GLIPR1: variants seen among roughly 807,000 people sequenced by gnomAD.
The protein encoded by GLIPR1 is GLI pathogenesis related 1.
Under a neutral mutation model 30.3 loss-of-function variants are expected in GLIPR1, and 38 were observed. The ratio of observed to expected loss-of-function variants is 1.26; its 90% CI spans 0.97 to 1.65. GLIPR1 has a LOEUF of 1.65. GLIPR1 is among the 40% of genes most tolerant of loss of function. GLIPR1 has a pLI of 0.00. For synonymous variants in GLIPR1, 122 were observed against 110.6 expected, an observed-to-expected ratio of 1.10 and a Z score of -0.65; for missense variants, 285 against 326.5, an observed-to-expected ratio of 0.87 and a Z score of 0.98.
chr12:75,501,541 G>A lies in GLIPR1; in HGVS notation c.*2563G>A. ...GTCAATCCAGTTTGCACTGAAATAG[G>A]CATTAGCTGCCTCTAAATTATAAAT... is the stretch of plus-strand genomic sequence containing the variant. On this transcript the variant is annotated 3_prime_UTR_variant, in exon 6 of 6. Transcript: ENST00000266659. 7.0e-6 allele frequency: 4 copies of A among 567,450 alleles called. No individual in the cohort carries two copies. Among genetic ancestry groups the A allele is most frequent in the Middle Eastern group, 4.8e-4 (1 of 2,102 alleles). 35.2% of individuals were successfully genotyped at this position (567,450 alleles called of 1,614,324 possible).
Position 75,500,027 on chromosome 12 carries a change from A to G in GLIPR1, c.*1049A>G. Reference sequence around the variant, plus strand: ...AAAACAAAGAATATATGTTTAACAAAGAATATATGTTTAAGGCAGTTAACT... The same window carrying G: ...AAAACAAAGAATATATGTTTAACAAGGAATATATGTTTAAGGCAGTTAACT... On this transcript the variant is annotated 3_prime_UTR_variant, in exon 6 of 6. Coordinates refer to ENST00000266659, the MANE Select transcript of GLIPR1 (RefSeq NM_006851.3). 1 of 1,176,168 alleles carries G rather than the reference A, an allele frequency of 8.5e-7. No individual in the cohort carries two copies. Among genetic ancestry groups the G allele is most frequent in the Non-Finnish European group, 1.2e-6 (1 of 838,272 alleles). 72.9% of individuals were successfully genotyped at this position (1,176,168 alleles called of 1,614,324 possible).
At chr12:75,487,019 A>G (rs975977184) in intron 2 of GLIPR1, among the ~76,000 whole-genome samples, 1 of 152,242 alleles carries the variant, frequency 6.6e-6, no homozygotes, top group Non-Finnish European at 1.5e-5. Context: ...CACAAAATGA[A>G]TGGTAACTAA....
At chr12:75,493,060 CCA>C (rs1212762383) in intron 3 of GLIPR1, 1 of 152,148 alleles carries the variant, frequency 6.6e-6, no homozygotes, top group African/African-American at 2.4e-5. Flanking sequence ...CAAGTTTAAA[CCA>C]CAGAGACTGG....
chr12:75,498,066 C>T (rs1348268976), intron 4 of GLIPR1: 1 of 152,416 alleles, frequency 6.6e-6, no homozygotes, highest in East Asian at 1.9e-4. Context: ...CTACCACGAG[C>T]ATCTAATAGC....
intron 2 of GLIPR1, among the ~76,000 whole-genome samples, chr12:75,487,054 G>C (rs2046296877): frequency 6.6e-6 from 1 of 152,148 alleles, no homozygotes; most frequent in Non-Finnish European, 1.5e-5. Flanking sequence ...TGAGGAAAAA[G>C]TATTAAAATG....
In GLIPR1 at chr12:75,503,473, A is replaced by G. The variant is rs2046407757; in HGVS notation, c.*4495A>G. 6.6e-6 allele frequency: 1 copy of G among 152,526 alleles called. No individual in the cohort carries two copies. Among genetic ancestry groups the G allele is most frequent in the South Asian group, 2.1e-4 (1 of 4,844 alleles). 9.4% of individuals were successfully genotyped at this position (152,526 alleles called of 1,614,324 possible). On this transcript the variant is annotated 3_prime_UTR_variant, in exon 6 of 6. Transcript: ENST00000266659. ...AAATGGAAACTGGTCATGGTGGGAAAGGAAATGAAGCAGAAGACACCTGAC... is the reference window on the plus strand; with the variant it reads ...AAATGGAAACTGGTCATGGTGGGAAGGGAAATGAAGCAGAAGACACCTGAC...
Position 75,501,628 on chromosome 12 carries a change from A to AAAGAT in GLIPR1, c.*2652_*2656dup. 1.3e-6 allele frequency: 1 copy of AAAGAT among 780,806 alleles called. No homozygotes were observed. The allele number at this position is 780,806 out of a possible 1,614,324, so 48.4% of individuals were successfully genotyped here. ...AATGAAATGCTAAGAGAACTGATGAAAAGATACAACTGTTTCTTAAAAAGA... is the reference window on the plus strand; with the variant it reads ...AATGAAATGCTAAGAGAACTGATGAAAAGATAAGATACAACTGTTTCTTAAAAAGA... On this transcript the variant is annotated 3_prime_UTR_variant, in exon 6 of 6. Coordinates refer to ENST00000266659, the MANE Select transcript of GLIPR1 (RefSeq NM_006851.3).
chr12:75,486,384 G>C (rs141357190), intron 2 of GLIPR1, among the ~76,000 whole-genome samples: 1 of 152,272 alleles, frequency 6.6e-6, no homozygotes, highest in East Asian at 1.9e-4. Context: ...AATGAAACAA[G>C]AATATTTGCT....
intron 2 of GLIPR1, among the ~76,000 whole-genome samples, chr12:75,485,446 T>A (rs1454907859): frequency 6.6e-6 from 1 of 152,192 alleles, no homozygotes; most frequent in East Asian, 1.9e-4. Flanking sequence ...GATTTGATAG[T>A]GCTAGGATTT....
In GLIPR1 at chr12:75,500,048, T is replaced by C; in HGVS notation, c.*1070T>C. The stretch of plus-strand genomic sequence containing the variant: ...ACAAAGAATATATGTTTAAGGCAGT[T>C]AACTTCAGAGTATTCTTATAATTGA... On this transcript the variant is annotated 3_prime_UTR_variant, in exon 6 of 6. Coordinates refer to ENST00000266659, the MANE Select transcript of GLIPR1 (RefSeq NM_006851.3). 1.1e-6 allele frequency: 1 copy of C among 909,882 alleles called. No homozygotes were observed. The highest frequency in any genetic ancestry group is 1.6e-6 in the Non-Finnish European group (1 of 614,818). The allele number at this position is 909,882 out of a possible 1,614,324, so 56.4% of individuals were successfully genotyped here. A position where few individuals can be genotyped will look rare whatever the true frequency, so the allele number is the denominator to read the frequency against.
chr12:75,485,876 T>A (rs1406797863), intron 2 of GLIPR1, among the ~76,000 whole-genome samples: 1 of 152,152 alleles, frequency 6.6e-6, no homozygotes, highest in East Asian at 1.9e-4. Flanking sequence ...GTAGGTTTCA[T>A]ATATGTTACA....
At position 75,498,869 on chromosome 12, in the gene GLIPR1, A is replaced by G. The variant is rs759750764; in HGVS notation, c.692A>G (p.Asn231Ser). 1 of 1,611,626 alleles carries G rather than the reference A, an allele frequency of 6.2e-7. No homozygotes were observed. Among genetic ancestry groups the G allele is most frequent in the South Asian group, 1.1e-5 (1 of 90,984 alleles). The change falls in exon 6 of 6, where the codon AAC (asparagine) becomes AGC (serine). Residue 231 changes from asparagine (N) to serine (S), a missense_variant. Physicochemically the swap from Asn to Ser is conservative, Grantham distance 46 (BLOSUM62 1). Coordinates refer to ENST00000266659, the MANE Select transcript of GLIPR1 (RefSeq NM_006851.3). ...CCAGGCTGGCCCATATATCCACGTA[A>G]CAGATACACTTCTCTCTTTCTCATT... ...VYPGWPIYPR[N>S]RYTSLFLIVN...
In GLIPR1 at chr12:75,501,274, CAGCATCCTTTAGTCT is replaced by C. The variant is rs1032978332; in HGVS notation, c.*2298_*2312del. On this transcript the variant is annotated 3_prime_UTR_variant, in exon 6 of 6. Transcript: ENST00000266659. ...CTAATAGCTCCTGAATAAGACCTGT[CAGCATCCTTTAGTCT>C]AAGGTGATGAGAAATCCATGTTACC... The C allele has an allele frequency of 1.3e-5, 2 of 155,932 alleles. No individual in the cohort carries two copies. Among genetic ancestry groups the C allele is most frequent in the African/African-American group, 4.8e-5 (2 of 41,498 alleles). 9.7% of individuals were successfully genotyped at this position (155,932 alleles called of 1,614,324 possible).
At chr12:75,490,172 G>A (rs553388665) in intron 2 of GLIPR1, among the ~76,000 whole-genome samples, 6 of 144,872 alleles carry the variant, frequency 4.1e-5, no homozygotes, top group African/African-American at 1.3e-4. Context: ...TTTCTTCATT[G>A]TACTGTCAAA....
At position 75,483,034 on chromosome 12, in the gene GLIPR1, G is replaced by A. The variant is rs2046278434; in HGVS notation, c.420+955G>A. ...AGGTGGTTTTAAGGAACAACATGGT[G>A]TAAGAAAACCTCCCTTACTCCAGCT... On this transcript the variant is annotated intron_variant, in intron 2 of 5. Coordinates refer to ENST00000266659, the MANE Select transcript of GLIPR1 (RefSeq NM_006851.3). 2.0e-5 allele frequency among the ~76,000 whole-genome samples: 3 copies of A among 152,188 alleles called. No individual in the cohort carries two copies. The South Asian group carries it at 6.2e-4, about 32-fold the overall frequency.
chr12:75,485,456 T>C (rs1162535533), intron 2 of GLIPR1, among the ~76,000 whole-genome samples: 1 of 152,206 alleles, frequency 6.6e-6, no homozygotes, highest in Non-Finnish European at 1.5e-5. Flanking sequence ...TGCTAGGATT[T>C]CTCACTAGAT....
chr12:75,481,968 G>A lies in GLIPR1; in HGVS notation c.309G>A (p.Gly103=), dbSNP rs774972153. 7.4e-6 allele frequency: 12 copies of A among 1,613,996 alleles called. No individual in the cohort carries two copies. The highest frequency in any genetic ancestry group is 1.0e-5 in the Non-Finnish European group (12 of 1,180,016). The change falls in exon 2 of 6, where the codon GGG becomes GGA. Residue 103 remains glycine (G), a synonymous_variant. Transcript: ENST00000266659. ...FTSLGENIWT[G]SVPIFSVSSA... is the part of the protein sequence containing the mutation. ...CACTGGGAGAGAACATCTGGACTGGGTCTGTGCCCATTTTTTCTGTGTCTT... is the reference window on the plus strand; with the variant it reads ...CACTGGGAGAGAACATCTGGACTGGATCTGTGCCCATTTTTTCTGTGTCTT...
chr12:75,503,767 G>T lies in GLIPR1; in HGVS notation c.*4789G>T. On this transcript the variant is annotated 3_prime_UTR_variant, in exon 6 of 6. Transcript: ENST00000266659. Reference sequence around the variant, plus strand: ...ATATGCCTATTTATATTTACCCTCAGTTTCTTATAGCTCTGCACACACACA... The same window carrying T: ...ATATGCCTATTTATATTTACCCTCATTTTCTTATAGCTCTGCACACACACA... 1 of 742,748 alleles carries T rather than the reference G, an allele frequency of 1.3e-6. No individual in the cohort carries two copies. Among genetic ancestry groups the T allele is most frequent in the Non-Finnish European group, 2.1e-6 (1 of 482,170 alleles). The allele number at this position is 742,748 out of a possible 1,614,324, so 46.0% of individuals were successfully genotyped here. A position where few individuals can be genotyped will look rare whatever the true frequency, so the allele number is the denominator to read the frequency against.
chr12:75,500,436 A>C lies in GLIPR1; in HGVS notation c.*1458A>C, dbSNP rs529867734. 2.6e-5 allele frequency: 4 copies of C among 152,092 alleles called. 1 individual carries two copies. The South Asian group carries it at 8.3e-4, about 32-fold the overall frequency. 9.4% of individuals were successfully genotyped at this position (152,092 alleles called of 1,614,324 possible). The stretch of plus-strand genomic sequence containing the variant: ...CAAAATCTACTTCCTCTAATATCAA[A>C]ACGAAAATTTAAAGTTTTCCAAATA... On this transcript the variant is annotated 3_prime_UTR_variant, in exon 6 of 6. Transcript: ENST00000266659.
Sources: allele counts gnomAD v4.1 joint callset (sites outside exome capture counted in the v4.1 genomes callset), GRCh38; gene constraint gnomAD v4.1.1; transcripts MANE v1.5; gene names NCBI Gene and HGNC (gene_info 2026-07-23, HGNC 2026-07-21).